Variants in HEMK2 observed in about 807,000 individuals in gnomAD.
The protein encoded by HEMK2 is methyltransferase HEMK2.
chr21:28,734,277 AT>A, the HEMK2 span, among the ~76,000 whole-genome samples: 4 of 152,214 alleles, frequency 2.6e-5, no homozygotes, highest in African/African-American at 9.6e-5. Context: ...CACACTGCAT[AT>A]ATTTATAAAT....
At chr21:28,871,771 C>G in the HEMK2 span, among the ~76,000 whole-genome samples, 2 of 152,272 alleles carry the variant, frequency 1.3e-5, no homozygotes, top group Middle Eastern at 3.4e-3. Context: ...CCCTCTGAAG[C>G]CTTGAAGGAA....
the HEMK2 span, among the ~76,000 whole-genome samples, chr21:28,845,723 A>C: frequency 6.6e-6 from 1 of 152,056 alleles, no homozygotes; most frequent in Non-Finnish European, 1.5e-5. Context: ...TATTTTGTTA[A>C]CACAGAGATA....
At chr21:28,762,758 A>T in the HEMK2 span, among the ~76,000 whole-genome samples, 1 of 152,198 alleles carries the variant, frequency 6.6e-6, no homozygotes, top group Admixed American at 6.5e-5. Flanking sequence ...CCATGTTATG[A>T]TGCAGCATGA....
chr21:28,661,697 A>C, the HEMK2 span, among the ~76,000 whole-genome samples: 1 of 152,114 alleles, frequency 6.6e-6, no homozygotes, highest in Non-Finnish European at 1.5e-5. Flanking sequence ...CCTCTAGCCC[A>C]GCACTCTCTG....
chr21:28,866,944 T>C, the HEMK2 span, among the ~76,000 whole-genome samples: 1 of 152,140 alleles, frequency 6.6e-6, no homozygotes, highest in Non-Finnish European at 1.5e-5. Context: ...ACCATATTAT[T>C]CATTAGGAAA....
chr21:28,656,311 A>G, the HEMK2 span, among the ~76,000 whole-genome samples: 1 of 152,024 alleles, frequency 6.6e-6, no homozygotes, highest in Non-Finnish European at 1.5e-5. Context: ...CCAAAAAAGT[A>G]CCACAACCAC....
At chr21:28,688,631 C>T in the HEMK2 span, among the ~76,000 whole-genome samples, 2 of 151,628 alleles carry the variant, frequency 1.3e-5, no homozygotes, top group Non-Finnish European at 2.9e-5. Context: ...TAAGTTGATA[C>T]AAAAATATAC....
At chr21:28,739,837 G>C in the HEMK2 span, among the ~76,000 whole-genome samples, 190 of 152,332 alleles carry the variant, frequency 1.2e-3, no homozygotes, top group African/African-American at 4.4e-3. Flanking sequence ...AGCCAGGAAA[G>C]AAGGTTAAAT....
At chr21:28,732,461 G>C in the HEMK2 span, among the ~76,000 whole-genome samples, 1 of 152,232 alleles carries the variant, frequency 6.6e-6, no homozygotes, top group Non-Finnish European at 1.5e-5. Flanking sequence ...AGGTCACATA[G>C]CATCTCCTAG....
the HEMK2 span, among the ~76,000 whole-genome samples, chr21:28,767,186 C>T: frequency 9.2e-5 from 14 of 152,108 alleles, no homozygotes; most frequent in Non-Finnish European, 7.4e-5. Context: ...ATGTGACTTG[C>T]TCCTCCTTGC....
the HEMK2 span, among the ~76,000 whole-genome samples, chr21:28,879,628 T>G: frequency 6.6e-6 from 1 of 152,236 alleles, no homozygotes; most frequent in Non-Finnish European, 1.5e-5. Context: ...TATATGAATA[T>G]AAATACCATG....
the HEMK2 span, among the ~76,000 whole-genome samples, chr21:28,822,840 T>C: frequency 6.6e-6 from 1 of 151,122 alleles, no homozygotes; most frequent in Non-Finnish European, 1.5e-5. Context: ...TTCCACCTGA[T>C]GGCTAATCCC....
the HEMK2 span, among the ~76,000 whole-genome samples, chr21:28,857,998 A>G: frequency 3.9e-5 from 6 of 152,328 alleles, no homozygotes; most frequent in African/African-American, 1.4e-4. Flanking sequence ...TGACCCACTT[A>G]GCCTACAATC....
chr21:28,629,154 A>G, the HEMK2 span, among the ~76,000 whole-genome samples: 1 of 152,222 alleles, frequency 6.6e-6, no homozygotes, highest in Non-Finnish European at 1.5e-5. Context: ...GAGAAACCAT[A>G]GAATTTACCC....
At chr21:28,879,801 G>A in the HEMK2 span, 11 of 1,176,552 alleles carry the variant, frequency 9.3e-6, no homozygotes, top group African/African-American at 1.4e-4. Flanking sequence ...GTCATAGGAT[G>A]ACATTCATTT....
At chr21:28,580,678 A>C in the HEMK2 span, among the ~76,000 whole-genome samples, 1 of 152,140 alleles carries the variant, frequency 6.6e-6, no homozygotes, top group African/African-American at 2.4e-5. Flanking sequence ...ACTGAAATTC[A>C]CTACACACTC....
At chr21:28,848,950 G>A in the HEMK2 span, among the ~76,000 whole-genome samples, 1 of 152,122 alleles carries the variant, frequency 6.6e-6, no homozygotes, top group Non-Finnish European at 1.5e-5. Flanking sequence ...AGTGCACGCA[G>A]GAACTCTGCA....
the HEMK2 span, among the ~76,000 whole-genome samples, chr21:28,727,506 A>G: frequency 1.2e-4 from 19 of 152,382 alleles, no homozygotes; most frequent in African/African-American, 4.3e-4. Context: ...TACATTAGCT[A>G]ACCTTTCAAA....
the HEMK2 span, among the ~76,000 whole-genome samples, chr21:28,826,755 T>C: frequency 1.2e-3 from 185 of 152,322 alleles, 1 homozygote; most frequent in African/African-American, 4.4e-3. Flanking sequence ...ATGCTGCTTA[T>C]GTAGAAATAA....
Sources: allele counts gnomAD v4.1 joint callset (sites outside exome capture counted in the v4.1 genomes callset), GRCh38; gene constraint gnomAD v4.1.1; transcripts MANE v1.5; gene names NCBI Gene and HGNC (gene_info 2026-07-23, HGNC 2026-07-21).